Variants in TMTC2 observed in about 807,000 individuals in gnomAD.
The protein encoded by TMTC2 is protein O-mannosyl-transferase TMTC2.
Under a neutral mutation model 82.4 loss-of-function variants are expected in TMTC2, and 43 were observed. That is an observed-to-expected ratio of 0.52 (90% CI 0.41 to 0.67). The LOEUF (loss-of-function observed/expected upper bound fraction) is 0.67. TMTC2 is among the 30% of genes least tolerant of loss of function. The pLI, the probability that TMTC2 is intolerant of heterozygous loss-of-function variation, is 0.00. For synonymous variants in TMTC2, 408 were observed against 381.9 expected (o/e 1.07, Z -0.80); for missense variants, 919 against 1,012.4 (o/e 0.91, Z 1.25).
At chr12:82,753,907 T>C (rs1399771818) in intron 1 of TMTC2, among the ~76,000 whole-genome samples, 4 of 152,044 alleles carry the variant, frequency 2.6e-5, no homozygotes, top group African/African-American at 9.7e-5. Context: ...ATTGATGGAG[T>C]TGGAGCTGTC....
chr12:82,928,829 G>C (rs1875864744), intron 3 of TMTC2, among the ~76,000 whole-genome samples: 1 of 152,146 alleles, frequency 6.6e-6, no homozygotes, highest in African/African-American at 2.4e-5. Flanking sequence ...ATAATTGTGA[G>C]TTCAATGCCT....
intron 10 of TMTC2, among the ~76,000 whole-genome samples, chr12:83,055,692 C>T (rs1379475239): frequency 1.4e-5 from 2 of 147,464 alleles, no homozygotes; most frequent in Non-Finnish European, 3.0e-5. Context: ...CATTCATAGG[C>T]TCTAGTGGAA....
chr12:83,019,789 C>T (rs147267371), intron 8 of TMTC2, among the ~76,000 whole-genome samples: 23 of 152,250 alleles, frequency 1.5e-4, no homozygotes, highest in Non-Finnish European at 2.4e-4. Flanking sequence ...CACTTCTCTA[C>T]GTGCCTTCTG....
intron 1 of TMTC2, chr12:82,759,602 G>A (rs1408958372): frequency 6.6e-6 from 1 of 152,096 alleles, no homozygotes. Context: ...GCACTTGATT[G>A]TTACCTTATA....
In TMTC2 at chr12:82,798,514, G is replaced by T. The variant is rs1160588906; in HGVS notation, c.84-58496G>T. ...TCGTCTCAAAAAAAAAAAAAAAGAT[G>T]TAAAGACTTGGCCGGTTGCCGTGGC... On this transcript the variant is annotated intron_variant, in intron 1 of 11. Coordinates refer to ENST00000321196, the MANE Select transcript of TMTC2 (RefSeq NM_152588.3). Among the ~76,000 whole-genome samples, 8 of 133,722 alleles carry T rather than the reference G, an allele frequency of 6.0e-5. No individual in the cohort carries two copies. The South Asian group carries it at 7.5e-4, about 13-fold the overall frequency. The allele number at this position is 133,722 out of a possible 152,430, so 87.7% of individuals were successfully genotyped here. A position where few individuals can be genotyped will look rare whatever the true frequency, so the allele number is the denominator to read the frequency against.
chr12:83,003,828 G>C lies in TMTC2; in HGVS notation c.2070+17782G>C, dbSNP rs11115515. Among the ~76,000 whole-genome samples, 436 of 152,130 alleles carry C rather than the reference G, an allele frequency of 2.9e-3. 4 individuals carry two copies. The highest frequency in any genetic ancestry group is 9.8e-3 in the African/African-American group (406 of 41,526). ...CTTTTTCATTGACCTTGTAGAACCT[G>C]ATGACTGTGTCTTGGGGGTGCTTAT... On this transcript the variant is annotated intron_variant, in intron 8 of 11. Transcript: ENST00000321196.
chr12:82,902,777 G>T (rs1337221528), intron 3 of TMTC2, among the ~76,000 whole-genome samples: 2 of 152,160 alleles, frequency 1.3e-5, no homozygotes, highest in Admixed American at 1.3e-4. Flanking sequence ...CGCTTCTTGG[G>T]TGATAGGTTC....
chr12:82,968,268 T>G (rs1878306161), intron 7 of TMTC2, among the ~76,000 whole-genome samples: 1 of 152,148 alleles, frequency 6.6e-6, no homozygotes, highest in African/African-American at 2.4e-5. Flanking sequence ...AAAATTTAGC[T>G]TCATTAAATA....
intron 1 of TMTC2, among the ~76,000 whole-genome samples, chr12:82,789,264 C>A (rs956633553): frequency 2.0e-5 from 3 of 152,110 alleles, no homozygotes; most frequent in Admixed American, 6.5e-5. Context: ...TCATGACCAT[C>A]TAGAACTGTG....
At chr12:82,882,570 A>T (rs1455158884) in intron 2 of TMTC2, among the ~76,000 whole-genome samples, 1 of 152,114 alleles carries the variant, frequency 6.6e-6, no homozygotes, top group Non-Finnish European at 1.5e-5. Context: ...TAGTAAACCC[A>T]GAATGTTCAA....
intron 1 of TMTC2, among the ~76,000 whole-genome samples, chr12:82,795,862 C>T (rs920331477): frequency 2.6e-5 from 4 of 152,122 alleles, no homozygotes; most frequent in African/African-American, 9.7e-5. Context: ...TGTAAGTTAT[C>T]CAGTCAGTCT....
At chr12:82,828,197 T>G (rs1054393095) in intron 1 of TMTC2, among the ~76,000 whole-genome samples, 1 of 150,816 alleles carries the variant, frequency 6.6e-6, no homozygotes, top group African/African-American at 2.4e-5. Context: ...CTGGCCCTTT[T>G]GCTTTTTCTT....
intron 1 of TMTC2, among the ~76,000 whole-genome samples, chr12:82,804,090 TA>T (rs1168866859): frequency 6.6e-6 from 1 of 152,046 alleles, no homozygotes; most frequent in Non-Finnish European, 1.5e-5. Flanking sequence ...AAAATAGGGT[TA>T]AAAACTTCAG....
At chr12:83,000,113 C>A (rs1172951290) in intron 8 of TMTC2, among the ~76,000 whole-genome samples, 1 of 147,528 alleles carries the variant, frequency 6.8e-6, no homozygotes, top group African/African-American at 2.5e-5. Flanking sequence ...CAGGCACACA[C>A]AAGTCCAAAA....
In TMTC2 at chr12:83,113,609, T is replaced by C. The variant is rs567227139; in HGVS notation, c.2332-18601T>C. ...TACATTTTCAACAGGCATAACACCTTGGCAAGTGTCATGGCTTAGAGTACA... is the reference window on the plus strand; with the variant it reads ...TACATTTTCAACAGGCATAACACCTCGGCAAGTGTCATGGCTTAGAGTACA... On this transcript the variant is annotated intron_variant, in intron 11 of 11. Transcript: ENST00000321196. 1.1e-4 allele frequency among the ~76,000 whole-genome samples: 17 copies of C among 152,332 alleles called. No homozygotes were observed. In the East Asian group the frequency reaches 3.1e-3, roughly 28 times the overall value.
At chr12:82,887,942 G>A (rs1373837253) in intron 2 of TMTC2, among the ~76,000 whole-genome samples, 2 of 152,096 alleles carry the variant, frequency 1.3e-5, no homozygotes, top group South Asian at 2.1e-4. Flanking sequence ...AGCCTGGCGT[G>A]GTGGCACATG....
At chr12:82,934,968 A>G (rs1876239424) in intron 4 of TMTC2, among the ~76,000 whole-genome samples, 1 of 152,158 alleles carries the variant, frequency 6.6e-6, no homozygotes, top group Admixed American at 6.6e-5. Context: ...GAAATAAACC[A>G]AAGTTTTGGG....
chr12:82,922,976 C>G (rs1339268021), intron 3 of TMTC2, among the ~76,000 whole-genome samples: 1 of 152,116 alleles, frequency 6.6e-6, no homozygotes, highest in Non-Finnish European at 1.5e-5. Context: ...CTCTTACGTG[C>G]TTTCTAAGGT....
intron 2 of TMTC2, among the ~76,000 whole-genome samples, chr12:82,890,273 G>C (rs1044181807): frequency 6.7e-6 from 1 of 150,164 alleles, no homozygotes; most frequent in Non-Finnish European, 1.5e-5. Context: ...TGGGTTTTTT[G>C]CCTTTGGTGG....
Sources: gnomAD v4.1 joint callset for allele counts (sites outside exome capture counted in the v4.1 genomes callset) on GRCh38, gnomAD v4.1.1 for gene constraint, MANE v1.5 for transcripts, NCBI Gene and HGNC (gene_info 2026-07-23, HGNC 2026-07-21) for gene names.